SLC9C2: variants seen among roughly 807,000 people sequenced by gnomAD.
SLC9C2 encodes the protein sodium/hydrogen exchanger 11.
Under a neutral mutation model 140.2 loss-of-function variants are expected in SLC9C2, and 75 were observed. The ratio of observed to expected loss-of-function variants is 0.53; its 90% CI spans 0.44 to 0.65. The LOEUF is 0.65. Ranked by LOEUF, SLC9C2 falls within the 30% of genes least tolerant of loss-of-function variation. The pLI, the probability that SLC9C2 is intolerant of heterozygous loss-of-function variation, is 0.00. For synonymous variants in SLC9C2, 375 were observed against 420.9 expected, an observed-to-expected ratio of 0.89 and a Z score of 1.34; for missense variants, 1,074 against 1,331.8, an observed-to-expected ratio of 0.81 and a Z score of 3.01.
chr1:173,586,879 G>A (rs566743736), intron 5 of SLC9C2, among the ~76,000 whole-genome samples: 1 of 152,260 alleles, frequency 6.6e-6, no homozygotes, highest in East Asian at 1.9e-4. Flanking sequence ...GGGCCTGTTG[G>A]GGGGTGGAGG....
intron 13 of SLC9C2, among the ~76,000 whole-genome samples, chr1:173,546,397 G>A (rs1223644872): frequency 6.6e-6 from 1 of 151,938 alleles, no homozygotes; most frequent in Non-Finnish European, 1.5e-5. Context: ...GCTGGGCATG[G>A]TGCCAAAACC....
chr1:173,549,474 CA>C (rs1663099549), intron 11 of SLC9C2, among the ~76,000 whole-genome samples: 1 of 152,228 alleles, frequency 6.6e-6, no homozygotes, highest in Non-Finnish European at 1.5e-5. Flanking sequence ...AGATCCCACC[CA>C]TATGATGGGG....
At chr1:173,562,113 T>G (rs558193333) in intron 9 of SLC9C2, among the ~76,000 whole-genome samples, 1 of 152,326 alleles carries the variant, frequency 6.6e-6, no homozygotes, top group Non-Finnish European at 1.5e-5. Flanking sequence ...GGAAAAAAAT[T>G]CATTAAGGTC....
At chr1:173,506,247 G>T (rs768901392) in intron 25 of SLC9C2, among the ~76,000 whole-genome samples, 29 of 152,226 alleles carry the variant, frequency 1.9e-4, no homozygotes, top group Admixed American at 9.8e-4. Flanking sequence ...GATTTAAAGA[G>T]ATGTCAGTCA....
chr1:173,556,064 T>C (rs149034752), intron 10 of SLC9C2, among the ~76,000 whole-genome samples: 437 of 152,324 alleles, frequency 2.9e-3, no homozygotes, highest in Non-Finnish European at 4.7e-3. Context: ...TCTGTACATC[T>C]ACCTCCAGAT....
chr1:173,505,535 G>C (rs768049515), intron 25 of SLC9C2, among the ~76,000 whole-genome samples: 2 of 152,172 alleles, frequency 1.3e-5, no homozygotes, highest in Non-Finnish European at 2.9e-5. Flanking sequence ...TTAGACACCA[G>C]AGAGGAAATT....
Position 173,500,955 on chromosome 1 carries a change from C to A in SLC9C2, c.*139G>T. Reference sequence around the variant, plus strand: ...GCTTATAAACTAAATGCAGCAGTAACCTGTTTCAGTAGCTTCTAAGTAAAC... The same window carrying A: ...GCTTATAAACTAAATGCAGCAGTAAACTGTTTCAGTAGCTTCTAAGTAAAC... On this transcript the variant is annotated 3_prime_UTR_variant, in exon 28 of 28. Transcript: ENST00000367714. 1.0e-6 allele frequency: 1 copy of A among 977,966 alleles called. No individual in the cohort carries two copies. The highest frequency in any genetic ancestry group is 3.3e-5 in the East Asian group (1 of 30,436). 60.6% of individuals were successfully genotyped at this position (977,966 alleles called of 1,614,324 possible).
At chr1:173,559,220 T>C (rs1232553994) in intron 9 of SLC9C2, among the ~76,000 whole-genome samples, 2 of 152,268 alleles carry the variant, frequency 1.3e-5, no homozygotes, top group African/African-American at 2.4e-5. Flanking sequence ...GTCTTGCCTA[T>C]ACAGATAGTC....
chr1:173,517,342 T>TA (rs1295137593), intron 23 of SLC9C2, among the ~76,000 whole-genome samples, 195 bp downstream of exon 23: 2 of 152,184 alleles, frequency 1.3e-5, no homozygotes, highest in Non-Finnish European at 2.9e-5. Flanking sequence ...GTTAAATAAC[T>TA]ACTCCCTTAG....
Position 173,505,347 on chromosome 1 carries a change from C to A in SLC9C2, c.3226-16G>T. The A allele has an allele frequency of 6.3e-7, 1 of 1,592,418 alleles. No homozygotes were observed. The highest frequency in any genetic ancestry group is 1.1e-5 in the South Asian group (1 of 90,374). On this transcript the variant is annotated splice_polypyrimidine_tract_variant and intron_variant, in intron 25 of 27. Coordinates refer to ENST00000367714, the MANE Select transcript of SLC9C2 (RefSeq NM_178527.4). ...TTCCCTGAACCTAGAGGAGAAAAGT[C>A]AAAATTAGTCAAAAGAGCATTCTTT...
rs1431554345 is a variant in SLC9C2 at position 173,534,680 on chromosome 1, C to T, written c.1778G>A (p.Ser593Asn). 1.2e-5 allele frequency: 18 copies of T among 1,486,072 alleles called. No homozygotes were observed. The highest frequency in any genetic ancestry group is 1.6e-5 in the Non-Finnish European group (18 of 1,109,820). The allele number at this position is 1,486,072 out of a possible 1,614,324, so 92.1% of individuals were successfully genotyped here. Residue 593 changes from serine to asparagine, a missense_variant and splice_region_variant, in exon 16 of 28, where the codon AGT (serine) becomes AAT (asparagine). Physicochemically the swap from Ser to Asn is conservative, Grantham distance 46. Transcript: ENST00000367714. The stretch of plus-strand genomic sequence containing the variant: ...AAATATAAAAGTCAGAAATGTATTA[C>T]TCCTGAAAAGAGATCAAATAAAATG... ...IEKIHFIPPE[S>N]NTFLTFIFHI... is the part of the protein sequence containing the mutation.
chr1:173,520,216 T>C (rs1467197088), intron 22 of SLC9C2, among the ~76,000 whole-genome samples: 2 of 152,108 alleles, frequency 1.3e-5, no homozygotes, highest in African/African-American at 2.4e-5. Flanking sequence ...TATAGACATA[T>C]GCCACCATGC....
chr1:173,571,435 C>G (rs76256392), intron 9 of SLC9C2: 1 of 152,190 alleles, frequency 6.6e-6, no homozygotes, highest in Non-Finnish European at 1.5e-5. Context: ...GTCTTTCCCC[C>G]CATCTGCCTG....
intron 8 of SLC9C2, among the ~76,000 whole-genome samples, chr1:173,573,556 A>G (rs1428961717): frequency 4.6e-5 from 7 of 152,130 alleles, no homozygotes; most frequent in Non-Finnish European, 8.8e-5. Context: ...TTCTCACAGT[A>G]GAATAATAAG....
intron 23 of SLC9C2, among the ~76,000 whole-genome samples, chr1:173,515,671 C>A (rs533496967): frequency 2.0e-5 from 3 of 152,294 alleles, no homozygotes; most frequent in East Asian, 1.9e-4. Flanking sequence ...TCAATTCATC[C>A]ATCTTGTCCT....
In SLC9C2 at chr1:173,557,352, T is replaced by A. The variant is rs879240235; in HGVS notation, c.1203A>T (p.Glu401Asp). 1 of 1,612,160 alleles carries A rather than the reference T, an allele frequency of 6.2e-7. No homozygotes were observed. The highest frequency in any genetic ancestry group is 8.5e-7 in the Non-Finnish European group (1 of 1,179,508). ...DVYNLAERKV[E>D]VPQMFILYVQ... ...TGATCTTTCCTACCATTTGTGGTACTTCCACTTTTCGTTCAGCGAGATTAT... is the reference window on the plus strand; with the variant it reads ...TGATCTTTCCTACCATTTGTGGTACATCCACTTTTCGTTCAGCGAGATTAT... The change falls in exon 10 of 28, where the codon GAA becomes GAT. Residue 401 changes from glutamate (E) to aspartate (D), a missense_variant. Transcript: ENST00000367714.
At chr1:173,536,265 C>T (rs1207560846) in intron 14 of SLC9C2, among the ~76,000 whole-genome samples, 2 of 152,180 alleles carry the variant, frequency 1.3e-5, no homozygotes, top group East Asian at 3.8e-4. Context: ...GCCCTGAAAG[C>T]TCTAACTTTC....
intron 9 of SLC9C2, among the ~76,000 whole-genome samples, chr1:173,559,431 T>TA (rs1403084635): frequency 6.6e-6 from 1 of 152,266 alleles, no homozygotes; most frequent in African/African-American, 2.4e-5. Flanking sequence ...TTGAGACATC[T>TA]ACTGGGAAGT....
intron 7 of SLC9C2, among the ~76,000 whole-genome samples, chr1:173,580,227 TGAAAGACAGGAG>T (rs1047128206): frequency 6.6e-6 from 1 of 152,162 alleles, no homozygotes; most frequent in African/African-American, 2.4e-5. Flanking sequence ...GAACAGAGTT[TGAAAGACAGGAG>T]GATAATCAGC....
Sources: allele counts gnomAD v4.1 joint callset (sites outside exome capture counted in the v4.1 genomes callset), GRCh38; gene constraint gnomAD v4.1.1; transcripts MANE v1.5; gene names NCBI Gene and HGNC (gene_info 2026-07-23, HGNC 2026-07-21).